CFAP299: variants seen among roughly 807,000 people sequenced by gnomAD.
CFAP299 encodes cilia- and flagella-associated protein 299.
In CFAP299, 21 loss-of-function variants were observed where a neutral mutation model predicts 27.0. The ratio of observed to expected loss-of-function variants is 0.78; its 90% CI spans 0.55 to 1.12. The LOEUF is 1.12. Among genes scored for constraint, CFAP299 ranks in the 50% most tolerant of loss-of-function variants. CFAP299 has a pLI of 0.00. For missense variants in CFAP299, 310 were observed against 276.6 expected (o/e 1.12, Z -0.86); for synonymous variants, 104 against 98.1 (o/e 1.06, Z -0.36).
intron 3 of CFAP299, among the ~76,000 whole-genome samples, chr4:80,799,748 AT>A (rs1209276777): frequency 3.8e-5 from 2 of 52,664 alleles, no homozygotes; most frequent in Non-Finnish European, 6.4e-5. Flanking sequence ...ATTTTTATAA[AT>A]ATATAATATA....
chr4:80,660,585 A>C (rs1316570970), intron 3 of CFAP299, among the ~76,000 whole-genome samples: 2 of 152,190 alleles, frequency 1.3e-5, no homozygotes, highest in African/African-American at 4.8e-5. Context: ...TAATATAATT[A>C]AGTGTTTTAA....
intron 4 of CFAP299, among the ~76,000 whole-genome samples, chr4:80,885,636 C>G (rs1560462621): frequency 6.6e-6 from 1 of 152,100 alleles, no homozygotes; most frequent in Non-Finnish European, 1.5e-5. Flanking sequence ...GAACTAGGTA[C>G]CTTGAAGGGA....
chr4:80,688,154 G>A (rs2110012589), intron 3 of CFAP299, among the ~76,000 whole-genome samples: 1 of 152,330 alleles, frequency 6.6e-6, no homozygotes, highest in Admixed American at 6.5e-5. Context: ...GGTAAACAAA[G>A]CAGCCGGGAA....
intron 3 of CFAP299, among the ~76,000 whole-genome samples, chr4:80,744,286 C>G (rs959654871): frequency 6.6e-6 from 1 of 151,912 alleles, no homozygotes; most frequent in African/African-American, 2.4e-5. Flanking sequence ...ACTCCAAGGA[C>G]AGCGTGCCTT....
intron 3 of CFAP299, among the ~76,000 whole-genome samples, chr4:80,587,864 A>C (rs912466118): frequency 6.9e-6 from 1 of 144,096 alleles, no homozygotes; most frequent in Non-Finnish European, 1.5e-5. Flanking sequence ...AGTGCAGGCT[A>C]CTGCATTATG....
At chr4:80,356,870 A>G (rs1286874236) in intron 1 of CFAP299, among the ~76,000 whole-genome samples, 3 of 152,040 alleles carry the variant, frequency 2.0e-5, no homozygotes, top group Non-Finnish European at 4.4e-5. Flanking sequence ...TTCCAATGCT[A>G]TGTTAAATAG....
chr4:80,334,488 G>C (rs901746924), upstream of CFAP299, among the ~76,000 whole-genome samples: 2 of 152,142 alleles, frequency 1.3e-5, no homozygotes, highest in African/African-American at 4.8e-5. Flanking sequence ...ATGTTGGCCA[G>C]TCTGGTCTTG....
At chr4:80,394,346 A>C (rs1249588206) in intron 2 of CFAP299, among the ~76,000 whole-genome samples, 2 of 150,198 alleles carry the variant, frequency 1.3e-5, no homozygotes, top group Non-Finnish European at 3.0e-5. Flanking sequence ...ACTCTTTTTC[A>C]GATGTATGGT....
rs73831220 is a variant in CFAP299 at position 80,942,513 on chromosome 4, T to C, written c.477-2297T>C. Among the ~76,000 whole-genome samples, 549 of 152,270 alleles carry C rather than the reference T, an allele frequency of 3.6e-3. 2 individuals are homozygous for C. Among genetic ancestry groups the C allele is most frequent in the African/African-American group, 0.012 (515 of 41,568 alleles). On this transcript the variant is annotated intron_variant, in intron 4 of 5. Coordinates refer to ENST00000358105, the MANE Select transcript of CFAP299 (RefSeq NM_152770.3). ...TTATTAAATACTAATAATAATCAGC[T>C]ACTATAAAAAGCCTATTTTCCATCT...
intron 2 of CFAP299, among the ~76,000 whole-genome samples, chr4:80,434,346 A>C (rs543665917): frequency 6.6e-6 from 1 of 152,296 alleles, no homozygotes; most frequent in East Asian, 1.9e-4. Flanking sequence ...ACCTGTTGCT[A>C]TGGAGTAAGG....
chr4:80,610,895 T>G (rs1737934542), intron 3 of CFAP299, among the ~76,000 whole-genome samples: 1 of 152,014 alleles, frequency 6.6e-6, no homozygotes, highest in African/African-American at 2.4e-5. Flanking sequence ...ATTAGTTGGG[T>G]GATGAGCTGG....
At chr4:80,951,809 T>A (rs1329582254) in intron 5 of CFAP299, among the ~76,000 whole-genome samples, 1 of 152,230 alleles carries the variant, frequency 6.6e-6, no homozygotes, top group South Asian at 2.1e-4. Context: ...ATTTAAAATA[T>A]GTTGTAATGC....
chr4:80,547,045 G>T (rs1734269811), intron 2 of CFAP299, among the ~76,000 whole-genome samples: 1 of 151,850 alleles, frequency 6.6e-6, no homozygotes, highest in Non-Finnish European at 1.5e-5. Context: ...GAATTCATAT[G>T]GAAGCAAAAA....
chr4:80,785,560 T>G (rs990515325), intron 3 of CFAP299, among the ~76,000 whole-genome samples: 1 of 152,166 alleles, frequency 6.6e-6, no homozygotes, highest in Non-Finnish European at 1.5e-5. Flanking sequence ...ATTGTGAAAA[T>G]TTGGAATTAT....
intron 3 of CFAP299, among the ~76,000 whole-genome samples, chr4:80,607,535 G>T (rs1361291977): frequency 6.6e-6 from 1 of 151,902 alleles, no homozygotes; most frequent in East Asian, 1.9e-4. Context: ...ATGACGCCAG[G>T]GGTTAGAGCT....
chr4:80,915,340 G>C (rs1015563419), intron 4 of CFAP299, among the ~76,000 whole-genome samples: 1 of 151,766 alleles, frequency 6.6e-6, no homozygotes, highest in African/African-American at 2.4e-5. Context: ...GTTTCTGATG[G>C]ATACCTTTTG....
intron 2 of CFAP299, among the ~76,000 whole-genome samples, chr4:80,504,475 A>T: frequency 9.5e-5 from 10 of 105,718 alleles, no homozygotes; most frequent in Admixed American, 9.2e-4. Flanking sequence ...ATATATATAT[A>T]TATATATATA....
At chr4:80,620,033 AT>A (rs1738494142) in intron 3 of CFAP299, among the ~76,000 whole-genome samples, 1 of 152,114 alleles carries the variant, frequency 6.6e-6, no homozygotes, top group Non-Finnish European at 1.5e-5. Context: ...TGTGGAAACA[AT>A]TTTTAAATAT....
At chr4:80,386,599 GA>G in intron 2 of CFAP299, 1 of 1,598,160 alleles carries the variant, frequency 6.3e-7, no homozygotes, top group Non-Finnish European at 8.6e-7. Flanking sequence ...ATTTGTGGCG[GA>G]AAAAGCCCTT....
Sources: allele counts gnomAD v4.1 joint callset (sites outside exome capture counted in the v4.1 genomes callset), GRCh38; gene constraint gnomAD v4.1.1; transcripts MANE v1.5; gene names NCBI Gene and HGNC (gene_info 2026-07-23, HGNC 2026-07-21).